The following ROS1 variants were observed in gnomAD, a reference collection of about 807,000 sequenced individuals.
The protein encoded by ROS1 is ROS proto-oncogene 1, receptor tyrosine kinase, also known as proto-oncogene tyrosine-protein kinase ROS.
In ROS1, 263 loss-of-function variants were observed where a neutral mutation model predicts 273.5. That is an observed-to-expected ratio of 0.96 (90% CI 0.87 to 1.06). The LOEUF is 1.06. Among genes scored for constraint, ROS1 ranks in the 50% least tolerant of loss-of-function variants. The pLI is 0.00. For synonymous variants in ROS1, 1,008 were observed against 954.1 expected (o/e 1.06, Z -1.04); for missense variants, 2,833 against 2,751.1 (o/e 1.03, Z -0.67).
At chr6:117,393,348 G>T (rs368106770) in intron 11 of ROS1, 27 bp from the exon 12 acceptor site, 9 of 1,347,398 alleles carry the variant, frequency 6.7e-6, no homozygotes, top group Non-Finnish European at 9.6e-6. Flanking sequence ...TATACCGGTA[G>T]GATTAGCATC....
At chr6:117,336,636 C>A (rs9489134) in intron 32 of ROS1, among the ~76,000 whole-genome samples, 5 of 151,984 alleles carry the variant, frequency 3.3e-5, no homozygotes, top group Non-Finnish European at 7.4e-5. Context: ...AGTGAACATA[C>A]GTGTGCATGT....
chr6:117,326,452 A>G (rs1353869908), intron 33 of ROS1, 38 bp from the exon 34 acceptor site: 2 of 1,220,768 alleles, frequency 1.6e-6, no homozygotes, highest in Admixed American at 3.0e-5. Context: ...ATACATGACA[A>G]TATACCTGTT....
intron 18 of ROS1, among the ~76,000 whole-genome samples, chr6:117,378,267 C>A (rs1296212070): frequency 2.0e-5 from 3 of 152,156 alleles, no homozygotes; most frequent in Non-Finnish European, 2.9e-5. Flanking sequence ...AAATGTCCAT[C>A]AAGACATGCA....
chr6:117,348,188 A>G (rs151198813), intron 27 of ROS1, among the ~76,000 whole-genome samples: 30 of 152,026 alleles, frequency 2.0e-4, no homozygotes, highest in Admixed American at 1.5e-3. Flanking sequence ...GTTTGATAGA[A>G]TGCATCATTG....
intron 36 of ROS1, among the ~76,000 whole-genome samples, chr6:117,320,505 T>C (rs1045534399): frequency 3.9e-5 from 6 of 152,126 alleles, no homozygotes; most frequent in African/African-American, 1.2e-4. Context: ...TAAGGTTAAC[T>C]TTAAAAAGCC....
intron 4 of ROS1, among the ~76,000 whole-genome samples, chr6:117,412,500 T>C (rs1562383800): frequency 6.6e-6 from 1 of 152,076 alleles, no homozygotes; most frequent in Non-Finnish European, 1.5e-5. Flanking sequence ...ATTGCAAAAA[T>C]GACAAGCTTC....
chr6:117,386,889 CT>C lies in ROS1; in HGVS notation c.2109del (p.Asp704ThrfsTer23). On this transcript the variant is annotated frameshift_variant and splice_region_variant, in exon 15 of 44. Transcript: ENST00000368507. LOFTEE classifies it high-confidence loss of function. ...EFLSSDIGNV[S>X]DMDWYNNSLY... ...AGTGAACAGAGGACTTGGGGTTTAC[CT>C]GACACATTTCCTATATCAGAGGATA... 6.5e-7 allele frequency: 1 copy of C among 1,535,928 alleles called. No homozygotes were observed. The highest frequency in any genetic ancestry group is 9.0e-7 in the Non-Finnish European group (1 of 1,112,824).
At chr6:117,315,141 T>C (rs1285380608) in intron 39 of ROS1, among the ~76,000 whole-genome samples, 2 of 151,998 alleles carry the variant, frequency 1.3e-5, no homozygotes, top group Admixed American at 1.3e-4. Flanking sequence ...CTGTGAAAAA[T>C]TAAAATATGT....
At position 117,425,547 on chromosome 6, in the gene ROS1, C is replaced by T; in HGVS notation, c.110G>A (p.Cys37Tyr). The T allele has an allele frequency of 1.3e-6, 2 of 1,595,960 alleles. No individual in the cohort carries two copies. Among genetic ancestry groups the T allele is most frequent in the Non-Finnish European group, 1.7e-6 (2 of 1,174,468 alleles). The change falls in exon 1 of 44, where the codon TGT becomes TAT. Residue 37 changes from cysteine to tyrosine, a missense_variant. By Grantham distance (194) the Cys-to-Tyr change is radical. Coordinates refer to ENST00000368507, the MANE Select transcript of ROS1 (RefSeq NM_001378902.1). The part of the protein sequence containing the change: ...CTVLNSCLKS[C>Y]VTNLGQQLDL... ...TGTGAGACTTACCAGATTAGTTACACACGACTTTAGGCAGCTATTTAAAAC... is the reference window on the plus strand; with the variant it reads ...TGTGAGACTTACCAGATTAGTTACATACGACTTTAGGCAGCTATTTAAAAC...
Position 117,409,634 on chromosome 6 carries a change from C to T in ROS1, c.264G>A (p.Ser88=), listed in dbSNP as rs55736087. The change falls in exon 5 of 44, where the codon TCG becomes TCA. Residue 88 remains serine (S), a synonymous_variant. Transcript: ENST00000368507. ...DTYATVCERE[S]CEVGCSSAEG... ...CCGCGCTGCTACAGCCAACCTCACA[C>T]GACTCCCGCTGTGGAAGACAGGGAG... is the stretch of plus-strand genomic sequence containing the variant. 5,701 of 1,613,732 alleles carry T rather than the reference C, an allele frequency of 3.5e-3. 7 individuals are homozygous for T. The highest frequency in any genetic ancestry group is 4.4e-3 in the Non-Finnish European group (5,227 of 1,179,698).
chr6:117,298,685 C>G (rs1774444417), intron 43 of ROS1, among the ~76,000 whole-genome samples: 1 of 152,086 alleles, frequency 6.6e-6, no homozygotes, highest in African/African-American at 2.4e-5. Context: ...TTCAGTATCA[C>G]CAGTTAAAGC....
At chr6:117,411,894 A>G (rs34925922) in intron 4 of ROS1, among the ~76,000 whole-genome samples, 47,411 of 152,090 alleles carry the variant, frequency 0.31, 8,349 homozygotes, top group African/African-American at 0.48. Flanking sequence ...AAAAGAAAAA[A>G]TAATTCTGAT....
chr6:117,394,288 C>G lies in ROS1; in HGVS notation c.1065G>C (p.Trp355Cys). ...CAGACATGTTGGCAGCCTTCTTCGCCCATATGAGAGTTCCTTCAGAGAAAT... is the reference window on the plus strand; with the variant it reads ...CAGACATGTTGGCAGCCTTCTTCGCGCATATGAGAGTTCCTTCAGAGAAAT... ...IVYFSEGTLI[W>C]AKKAANMSDV... Residue 355 changes from tryptophan (W) to cysteine (C), a missense_variant, in exon 11 of 44, where the codon TGG becomes TGC. Coordinates refer to ENST00000368507, the MANE Select transcript of ROS1 (RefSeq NM_001378902.1). 1 of 1,609,542 alleles carries G rather than the reference C, an allele frequency of 6.2e-7. No individual in the cohort carries two copies. Among genetic ancestry groups the G allele is most frequent in the South Asian group, 1.1e-5 (1 of 90,058 alleles).
chr6:117,316,385 TATG>T (rs1775919878), intron 39 of ROS1, among the ~76,000 whole-genome samples: 1 of 152,070 alleles, frequency 6.6e-6, no homozygotes, highest in Admixed American at 6.6e-5. Flanking sequence ...TTTTTAGCCA[TATG>T]ATGTTTATTT....
At chr6:117,289,179 T>C (rs958251978) in intron 43 of ROS1, among the ~76,000 whole-genome samples, 3 of 152,218 alleles carry the variant, frequency 2.0e-5, no homozygotes, top group African/African-American at 7.2e-5. Context: ...AGAGGGCCCT[T>C]TTTGTCTAAA....
At chr6:117,294,322 G>A (rs1774051882) in intron 43 of ROS1, among the ~76,000 whole-genome samples, 1 of 151,904 alleles carries the variant, frequency 6.6e-6, no homozygotes, top group Non-Finnish European at 1.5e-5. Context: ...ACCAGGCAGG[G>A]GAAAGAAAAT....
At chr6:117,322,369 CT>C (rs1285010121) in intron 35 of ROS1, among the ~76,000 whole-genome samples, 2 of 152,136 alleles carry the variant, frequency 1.3e-5, no homozygotes, top group Admixed American at 1.3e-4. Flanking sequence ...CATATCTGAA[CT>C]TGAAAGACTA....
intron 4 of ROS1, among the ~76,000 whole-genome samples, chr6:117,410,100 T>C (rs531968381): frequency 2.6e-4 from 39 of 152,348 alleles, no homozygotes; most frequent in Non-Finnish European, 4.0e-4. Context: ...ATTTTCGTTG[T>C]CCCCAAAAGA....
intron 37 of ROS1, among the ~76,000 whole-genome samples, chr6:117,318,657 A>G (rs493451): frequency 0.17 from 25,461 of 152,100 alleles, 2,275 homozygotes; most frequent in African/African-American, 0.22. Flanking sequence ...ATTGTATTCT[A>G]AAATTCTCCA....
Sources: gnomAD v4.1 joint callset for allele counts (sites outside exome capture counted in the v4.1 genomes callset) on GRCh38, gnomAD v4.1.1 for gene constraint, MANE v1.5 for transcripts, NCBI Gene and HGNC (gene_info 2026-07-23, HGNC 2026-07-21) for gene names.